RNF24: variants seen among roughly 807,000 people sequenced by gnomAD.
RNF24 encodes the protein ring finger protein 24.
In RNF24, 14 loss-of-function variants were observed where a neutral mutation model predicts 20.0. The observed-to-expected ratio is 0.70, with a 90% CI of 0.46 to 1.10. The LOEUF (loss-of-function observed/expected upper bound fraction) is 1.10, where lower values mean the gene tolerates loss of function less well. Among genes scored for constraint, RNF24 ranks in the 50% least tolerant of loss-of-function variants. The pLI is 0.00. For missense variants in RNF24, 124 were observed against 177.6 expected (o/e 0.70, Z 1.71); for synonymous variants, 45 against 61.1 (o/e 0.74, Z 1.23).
intron 1 of RNF24, among the ~76,000 whole-genome samples, chr20:3,977,247 GAAGATGGAACGGGGAGAAGA>G (rs1978942821): frequency 1.3e-5 from 2 of 152,182 alleles, no homozygotes; most frequent in African/African-American, 4.8e-5. Flanking sequence ...GCAAAGCATG[GAAGATGGAACGGGGAGAAGA>G]AAGTTAAGTT....
Position 3,963,946 on chromosome 20 carries a change from T to C in RNF24, c.72A>G (p.Ile24Met). 7 of 1,612,514 alleles carry C rather than the reference T, an allele frequency of 4.3e-6. No individual in the cohort carries two copies. Among genetic ancestry groups the C allele is most frequent in the South Asian group, 2.2e-5 (2 of 90,990 alleles). ...TAGCAGTACCAAAAACCACAATATA[T>C]ATGTTGAGAGGCAGATTCTGGAATC... is the stretch of plus-strand genomic sequence containing the variant. ...NIGFQNLPLN[I>M]YIVVFGTAIF... The change falls in exon 2 of 6, where the codon ATA (isoleucine) becomes ATG (methionine). Residue 24 changes from isoleucine to methionine, a missense_variant. Physicochemically the swap from Ile to Met is conservative, Grantham distance 10. Coordinates refer to ENST00000358395, the MANE Select transcript of RNF24 (RefSeq NM_001134337.3).
intron 1 of RNF24, among the ~76,000 whole-genome samples, chr20:3,975,741 C>G (rs1978812834): frequency 6.6e-6 from 1 of 152,070 alleles, no homozygotes; most frequent in South Asian, 2.1e-4. Flanking sequence ...AAAAGAGACA[C>G]ACAGAGAGAG....
rs1360599667 is a variant in RNF24, at chr20:4,015,528, G to C, written c.-99C>G. 6.6e-6 allele frequency: 1 copy of C among 150,838 alleles called. No homozygotes were observed. Among genetic ancestry groups the C allele is most frequent in the Admixed American group, 6.6e-5 (1 of 15,120 alleles). The allele number at this position is 150,838 out of a possible 1,614,324, so 9.3% of individuals were successfully genotyped here. A position where few individuals can be genotyped will look rare whatever the true frequency, so the allele number is the denominator to read the frequency against. Reference sequence around the variant, plus strand: ...CGGGCGGCGAGCGTCCGTCCGGACAGAGCGCGGCGGAGGTGGCGGCGGCTG... The same window carrying C: ...CGGGCGGCGAGCGTCCGTCCGGACACAGCGCGGCGGAGGTGGCGGCGGCTG... On this transcript the variant is annotated 5_prime_UTR_variant, in exon 1 of 6. Transcript: ENST00000358395.
Position 3,934,898 on chromosome 20 carries a change from C to T in RNF24, c.308+96G>A. On this transcript the variant is annotated intron_variant, in intron 5 of 5. Transcript: ENST00000358395. The surrounding 1 kb of genome is among the most constrained non-coding windows in gnomAD (Gnocchi z 4.0). ...CTGCATTACAGACCAATCATGAAGC[C>T]ATCAAGCTTGTCTGGCACTGCCCTA... 1 of 921,420 alleles carries T rather than the reference C, an allele frequency of 1.1e-6. No homozygotes were observed. Among genetic ancestry groups the T allele is most frequent in the Non-Finnish European group, 1.8e-6 (1 of 565,132 alleles). 57.1% of individuals were successfully genotyped at this position (921,420 alleles called of 1,614,324 possible). A position where few individuals can be genotyped will look rare whatever the true frequency, so the allele number is the denominator to read the frequency against.
chr20:3,992,495 AG>A (rs1980527886), intron 1 of RNF24, among the ~76,000 whole-genome samples: 1 of 151,684 alleles, frequency 6.6e-6, no homozygotes, highest in Admixed American at 6.6e-5. Flanking sequence ...ATTTCATCAC[AG>A]GTACCTGGTA....
chr20:3,966,618 G>A (rs576160793), intron 1 of RNF24, among the ~76,000 whole-genome samples: 1 of 152,180 alleles, frequency 6.6e-6, no homozygotes, highest in South Asian at 2.1e-4. Flanking sequence ...CCTTCCACAG[G>A]GAGCTCTTCT....
intron 1 of RNF24, among the ~76,000 whole-genome samples, chr20:4,002,258 C>T (rs6107390): frequency 0.13 from 20,266 of 151,710 alleles, 1,535 homozygotes; most frequent in Non-Finnish European, 0.17. Flanking sequence ...TGGTGGTGGG[C>T]GCCTGTAGTC....
rs1439200343 is a variant in RNF24, at chr20:3,986,156, T to C, written c.-7-22132A>G. Among the ~76,000 whole-genome samples the C allele has an allele frequency of 2.6e-5, 4 of 152,236 alleles. No homozygotes were observed. In the East Asian group the frequency reaches 7.7e-4, roughly 29 times the overall value. On this transcript the variant is annotated intron_variant, in intron 1 of 5. Transcript: ENST00000358395. ...TGAGGGCAAAGAAGAATTTGACGTC[T>C]CATGTTCCCTTTGTTTTTTAACTGT... is the stretch of plus-strand genomic sequence containing the variant.
chr20:3,935,164 T>G, intron 4 of RNF24, 91 bp from the exon 5 acceptor site: 1 of 954,698 alleles, frequency 1.0e-6, no homozygotes, highest in Non-Finnish European at 1.7e-6. Flanking sequence ...GCTCAACCGT[T>G]TGAAGGGACT....
chr20:3,989,573 G>A (rs1435598627), intron 1 of RNF24, among the ~76,000 whole-genome samples: 1 of 152,144 alleles, frequency 6.6e-6, no homozygotes, highest in Non-Finnish European at 1.5e-5. Context: ...AAATACGACA[G>A]TTGTTGTTTA....
At chr20:3,948,202 A>G in intron 3 of RNF24, 35 bp downstream of exon 3, 2 of 1,532,224 alleles carry the variant, frequency 1.3e-6, no homozygotes, top group Non-Finnish European at 1.8e-6. Context: ...GGGGGGAAAA[A>G]AAAAATCAAA....
At chr20:3,961,701 T>TA (rs1311612644) in intron 2 of RNF24, among the ~76,000 whole-genome samples, 2 of 152,000 alleles carry the variant, frequency 1.3e-5, no homozygotes, top group Non-Finnish European at 2.9e-5. Flanking sequence ...TTCTTTTTTT[T>TA]ACATTTTGTT....
intron 4 of RNF24, among the ~76,000 whole-genome samples, chr20:3,939,583 T>A (rs1397918980): frequency 6.6e-6 from 1 of 152,236 alleles, no homozygotes; most frequent in East Asian, 1.9e-4. Context: ...GTGTCACATG[T>A]ATTAAAAACT....
chr20:3,960,147 C>A (rs570649006), intron 2 of RNF24, among the ~76,000 whole-genome samples: 1 of 152,120 alleles, frequency 6.6e-6, no homozygotes, highest in Admixed American at 6.5e-5. Context: ...TCTGATGAGT[C>A]CAGTGGTGGT....
At chr20:3,987,149 G>C (rs1378291759) in intron 1 of RNF24, among the ~76,000 whole-genome samples, 1 of 152,038 alleles carries the variant, frequency 6.6e-6, no homozygotes, top group Admixed American at 6.6e-5. Flanking sequence ...TTGATTAATT[G>C]ATGGCAGCAC....
intron 1 of RNF24, among the ~76,000 whole-genome samples, chr20:4,013,575 G>T (rs1455995116): frequency 6.6e-6 from 1 of 151,538 alleles, no homozygotes; most frequent in Non-Finnish European, 1.5e-5. Context: ...CCGCCTCCGG[G>T]AGTTCAAGCG....
intron 1 of RNF24, among the ~76,000 whole-genome samples, chr20:3,972,479 C>G (rs1027696042): frequency 6.6e-6 from 1 of 152,164 alleles, no homozygotes; most frequent in African/African-American, 2.4e-5. Flanking sequence ...TCAAACTAGA[C>G]ATTTATAACA....
In RNF24 at chr20:3,946,254, C is replaced by T. The variant is rs866800741; in HGVS notation, c.187-1036G>A. The stretch of plus-strand genomic sequence containing the variant: ...GGCCGAGGTGGGCGGACTGCTTGAT[C>T]CCAGGAGTTTAAGACCAGCCTAGGC... On this transcript the variant is annotated intron_variant, in intron 3 of 5. Transcript: ENST00000358395. Among the ~76,000 whole-genome samples the T allele has an allele frequency of 1.2e-4, 19 of 152,124 alleles. No individual in the cohort carries two copies. In the Middle Eastern group the frequency reaches 0.01, roughly 82 times the overall value.
At chr20:3,986,762 C>T (rs1979957796) in intron 1 of RNF24, among the ~76,000 whole-genome samples, 1 of 151,894 alleles carries the variant, frequency 6.6e-6, no homozygotes, top group Non-Finnish European at 1.5e-5. Context: ...AATTTTCCTG[C>T]CTTAGCCTCC....
Sources: allele counts gnomAD v4.1 joint callset (sites outside exome capture counted in the v4.1 genomes callset), GRCh38; gene constraint gnomAD v4.1.1; non-coding constraint Gnocchi (gnomAD v3.1); transcripts MANE v1.5; gene names NCBI Gene and HGNC (gene_info 2026-07-23, HGNC 2026-07-21).